The following D2HGDH variants were observed in gnomAD, a reference collection of about 807,000 sequenced individuals.
D2HGDH encodes the protein D-2-hydroxyglutarate dehydrogenase, mitochondrial.
A neutral mutation model predicts 46.9 loss-of-function variants in D2HGDH; 31 were observed. The ratio of observed to expected loss-of-function variants is 0.66; its 90% confidence interval spans 0.50 to 0.89. The LOEUF is 0.89. D2HGDH is among the 40% of genes least tolerant of loss of function. The pLI is 0.00. For synonymous variants in D2HGDH, 364 were observed against 332.6 expected (o/e 1.09, Z -1.03); for missense variants, 698 against 720.8 (o/e 0.97, Z 0.36).
At chr2:241,739,940 T>C (rs1362686693) in intron 2 of D2HGDH, among the ~76,000 whole-genome samples, 2 of 151,832 alleles carry the variant, frequency 1.3e-5, no homozygotes, top group East Asian at 3.9e-4. Flanking sequence ...AGGCCATGAG[T>C]TCAAGATCAG....
chr2:241,753,403 C>G (rs1445731187), intron 8 of D2HGDH, among the ~76,000 whole-genome samples: 1 of 149,888 alleles, frequency 6.7e-6, no homozygotes, highest in East Asian at 2.0e-4. Flanking sequence ...TGAGGCTTTT[C>G]TCTGCTGTTG....
Position 241,748,930 on chromosome 2 carries a change from C to T in D2HGDH, c.854-1221C>T, listed in dbSNP as rs575134782. On this transcript the variant is annotated intron_variant, in intron 6 of 9. Transcript: ENST00000321264. ...GCCAGCCCGGCTGCCGCATCCTGCT[C>T]TTCGCACTCCAGGTCTCAGACAGGA... 294 of 1,294,722 alleles carry T rather than the reference C, an allele frequency of 2.3e-4. 1 individual carries two copies. The African/African-American group carries it at 4.2e-3, about 19-fold the overall frequency. The allele number at this position is 1,294,722 out of a possible 1,614,324, so 80.2% of individuals were successfully genotyped here. A position where few individuals can be genotyped will look rare whatever the true frequency, so the allele number is the denominator to read the frequency against.
intron 2 of D2HGDH, among the ~76,000 whole-genome samples, chr2:241,736,671 GT>G (rs60699346): frequency 3.9e-4 from 56 of 145,020 alleles, no homozygotes; most frequent in East Asian, 1.6e-3. Context: ...CCGTTTATCC[GT>G]TTTTTTTTTT....
Position 241,743,634 on chromosome 2 carries a change from G to T in D2HGDH, c.503G>T (p.Cys168Phe). The T allele has an allele frequency of 6.2e-7, 1 of 1,613,502 alleles. No individual in the cohort carries two copies. Among genetic ancestry groups the T allele is most frequent in the Non-Finnish European group, 8.5e-7 (1 of 1,179,932 alleles). Residue 168 changes from cysteine (C) to phenylalanine (F), a missense_variant, in exon 5 of 10, where the codon TGC becomes TTC. Physicochemically the swap from Cys to Phe is radical, Grantham distance 205. Coordinates refer to ENST00000321264, the MANE Select transcript of D2HGDH (RefSeq NM_152783.5). This position sits in a 1 kb window ranked among gnomAD's most constrained non-coding sequence, Gnocchi z 4.8. ...TCACTCTCTGCAGGAATTCTGGTTT[G>T]CCAGGCGGGCTGCGTCCTGGAGGAG... ...SFHSVSGILV[C>F]QAGCVLEELS...
Position 241,768,390 on chromosome 2 carries a change from G to A in D2HGDH, c.*421G>A. 5.1e-6 allele frequency: 1 copy of A among 196,726 alleles called. No individual in the cohort carries two copies. Among genetic ancestry groups the A allele is most frequent in the Non-Finnish European group, 1.0e-5 (1 of 95,514 alleles). The allele number at this position is 196,726 out of a possible 1,614,324, so 12.2% of individuals were successfully genotyped here. ...CGTGGGCAGCGGGGGGCATGCGTGG[G>A]CAGCAGGGGGCGTGGGCAGCGGGGG... On this transcript the variant is annotated 3_prime_UTR_variant, in exon 10 of 10. Coordinates refer to ENST00000321264, the MANE Select transcript of D2HGDH (RefSeq NM_152783.5).
intron 8 of D2HGDH, 39 bp downstream of exon 8, chr2:241,751,427 C>T (rs939547108): frequency 5.0e-6 from 8 of 1,610,050 alleles, no homozygotes; most frequent in African/African-American, 4.0e-5. Flanking sequence ...GCTCTCTGTC[C>T]GTCCAGTCCA....
At chr2:241,734,878 C>A in intron 1 of D2HGDH, 183 bp downstream of exon 1, 1 of 258,666 alleles carries the variant, frequency 3.9e-6, no homozygotes, top group Non-Finnish European at 7.4e-6. Flanking sequence ...CCGCGGGATC[C>A]CCTCGGGGGG....
Position 241,738,972 on chromosome 2 carries a change from A to G in D2HGDH, c.293-2061A>G, listed in dbSNP as rs569005809. Among the ~76,000 whole-genome samples the G allele has an allele frequency of 4.4e-4, 67 of 152,376 alleles. No homozygotes were observed. The East Asian group carries it at 0.013, about 28-fold the overall frequency. Reference sequence around the variant, plus strand: ...TGAAAACTCATTAAGCATCATATTCAAAAATCTAGACCATTTGCTCAGGAT... The same window carrying G: ...TGAAAACTCATTAAGCATCATATTCGAAAATCTAGACCATTTGCTCAGGAT... On this transcript the variant is annotated intron_variant, in intron 2 of 9. Coordinates refer to ENST00000321264, the MANE Select transcript of D2HGDH (RefSeq NM_152783.5).
intron 6 of D2HGDH, among the ~76,000 whole-genome samples, chr2:241,747,625 G>A (rs1350242221): frequency 6.6e-6 from 1 of 151,360 alleles, no homozygotes; most frequent in Non-Finnish European, 1.5e-5. Flanking sequence ...CTGGAGTGCA[G>A]TGGTGCAATC....
intron 9 of D2HGDH, 22 bp from the exon 10 acceptor site, chr2:241,767,688 C>A (rs758437576): frequency 6.2e-7 from 1 of 1,612,374 alleles, no homozygotes; most frequent in South Asian, 1.1e-5. Context: ...CCAGCCTGAC[C>A]CATGTGCCCT....
At position 241,742,389 on chromosome 2, in the gene D2HGDH, TA is replaced by T. The variant is rs759738040; in HGVS notation, c.351-45del. 4.2e-5 allele frequency: 65 copies of T among 1,562,040 alleles called. No homozygotes were observed. The highest frequency in any genetic ancestry group is 5.6e-5 in the Non-Finnish European group (64 of 1,150,560). On this transcript the variant is annotated intron_variant, in intron 3 of 9. Transcript: ENST00000321264. The surrounding 1 kb of genome is among the most constrained non-coding windows in gnomAD (Gnocchi z 4.8). ...CGGCGTGTCCTTGGGGATGGTGGCG[TA>T]GGGGTGGGGACAGAGCCCCAACGTC...
At chr2:241,739,673 A>T (rs978071376) in intron 2 of D2HGDH, among the ~76,000 whole-genome samples, 2 of 152,252 alleles carry the variant, frequency 1.3e-5, no homozygotes, top group African/African-American at 4.8e-5. Context: ...GTGGTTAGCA[A>T]CACCGGCGAA....
At chr2:241,741,183 G>T in intron 3 of D2HGDH, 93 bp downstream of exon 3, 1 of 1,171,940 alleles carries the variant, frequency 8.5e-7, no homozygotes. Flanking sequence ...GACGCGGTGC[G>T]AAGCCAGCCG....
At chr2:241,762,062 T>C (rs574671549) in intron 9 of D2HGDH, among the ~76,000 whole-genome samples, 8 of 144,356 alleles carry the variant, frequency 5.5e-5, no homozygotes, top group African/African-American at 1.9e-4. Context: ...TCTTTCTTTT[T>C]CTTTTCCTTT....
At chr2:241,735,548 C>A (rs1471532085) in intron 2 of D2HGDH, 32 bp downstream of exon 2, 1 of 1,597,452 alleles carries the variant, frequency 6.3e-7, no homozygotes, top group African/African-American at 1.3e-5. Context: ...GCGGCGTTTC[C>A]GCGTCCCTGC....
chr2:241,737,778 T>C (rs1693334549), intron 2 of D2HGDH, among the ~76,000 whole-genome samples: 1 of 152,160 alleles, frequency 6.6e-6, no homozygotes, highest in Non-Finnish European at 1.5e-5. Flanking sequence ...TGTGCTAAAA[T>C]AGTAAAGCGA....
Position 241,768,105 on chromosome 2 carries a change from C to T in D2HGDH, c.*136C>T. On this transcript the variant is annotated 3_prime_UTR_variant, in exon 10 of 10. Coordinates refer to ENST00000321264, the MANE Select transcript of D2HGDH (RefSeq NM_152783.5). Reference sequence around the variant, plus strand: ...CCTGGTTGAAGGGACTGGGAGCCCGCACTGGGGAACTGCCGGACGCAGGCC... The same window carrying T: ...CCTGGTTGAAGGGACTGGGAGCCCGTACTGGGGAACTGCCGGACGCAGGCC... 1 of 1,297,902 alleles carries T rather than the reference C, an allele frequency of 7.7e-7. No individual in the cohort carries two copies. Among genetic ancestry groups the T allele is most frequent in the South Asian group, 1.5e-5 (1 of 65,500 alleles). The allele number at this position is 1,297,902 out of a possible 1,614,324, so 80.4% of individuals were successfully genotyped here.
Position 241,743,822 on chromosome 2 carries a change from T to G in D2HGDH, c.684+7T>G. 1 of 1,591,978 alleles carries G rather than the reference T, an allele frequency of 6.3e-7. No homozygotes were observed. Among genetic ancestry groups the G allele is most frequent in the South Asian group, 1.1e-5 (1 of 88,060 alleles). On this transcript the variant is annotated splice_region_variant and intron_variant, in intron 5 of 9. Coordinates refer to ENST00000321264, the MANE Select transcript of D2HGDH (RefSeq NM_152783.5). This position sits in a 1 kb window ranked among gnomAD's most constrained non-coding sequence, Gnocchi z 4.8. ...TGTCCTGGGCCTGGAAGTGGTGAGC[T>G]GGGGCAGCTGCTTGGTGCAGAGGTC...
At chr2:241,764,566 C>T (rs999346787) in intron 9 of D2HGDH, among the ~76,000 whole-genome samples, 4 of 152,340 alleles carry the variant, frequency 2.6e-5, no homozygotes, top group Middle Eastern at 3.4e-3. Flanking sequence ...GAAGCTGCCT[C>T]GACCTTTGTC....
Sources: allele counts gnomAD v4.1 joint callset (sites outside exome capture counted in the v4.1 genomes callset), GRCh38; gene constraint gnomAD v4.1.1; non-coding constraint Gnocchi (gnomAD v3.1); transcripts MANE v1.5; gene names NCBI Gene and HGNC (gene_info 2026-07-23, HGNC 2026-07-21).